The following DLGAP2 variants were observed in gnomAD, a reference collection of about 807,000 sequenced individuals.
DLGAP2 encodes the protein disks large-associated protein 2.
A neutral mutation model predicts 100.3 loss-of-function variants in DLGAP2; 26 were observed. The observed-to-expected ratio is 0.26, with a 90% CI of 0.19 to 0.36. The LOEUF is 0.36. Ranked by LOEUF, DLGAP2 falls within the 10% of genes least tolerant of loss-of-function variation. The pLI is 1.00. For synonymous variants in DLGAP2, 886 were observed against 630.1 expected (o/e 1.41, Z -6.08); for missense variants, 1,858 against 1,453.2 (o/e 1.28, Z -4.53).
intron 2 of DLGAP2, among the ~76,000 whole-genome samples, chr8:922,083 G>A (rs1798727199): frequency 1.3e-5 from 2 of 152,234 alleles, no homozygotes; most frequent in Admixed American, 1.3e-4. Flanking sequence ...CCACTTTCCT[G>A]GGAGAAACGG....
chr8:1,303,402 C>CAAAAAAAA (rs374350701), intron 3 of DLGAP2, among the ~76,000 whole-genome samples: 79 of 125,122 alleles, frequency 6.3e-4, no homozygotes, highest in Non-Finnish European at 9.6e-4. Context: ...GTCTCAAAAA[C>CAAAAAAAA]AAAAAAAAAA....
intron 8 of DLGAP2, among the ~76,000 whole-genome samples, chr8:1,659,596 A>G (rs1306354084): frequency 2.0e-5 from 3 of 152,134 alleles, no homozygotes; most frequent in African/African-American, 7.2e-5. Context: ...CCTTTAGGCA[A>G]TGCCCTTCTT....
chr8:1,333,835 G>A (rs955487219), intron 3 of DLGAP2, among the ~76,000 whole-genome samples: 1 of 152,260 alleles, frequency 6.6e-6, no homozygotes, highest in African/African-American at 2.4e-5. Flanking sequence ...AGCAGAGCAG[G>A]TGGAACAGAA....
At chr8:1,371,543 C>T (rs1474550531) in intron 3 of DLGAP2, among the ~76,000 whole-genome samples, 2 of 152,210 alleles carry the variant, frequency 1.3e-5, no homozygotes, top group Non-Finnish European at 2.9e-5. Context: ...TTGGAAATCT[C>T]TTCTGCAGAA....
intron 2 of DLGAP2, among the ~76,000 whole-genome samples, chr8:964,102 T>C (rs10097918): frequency 0.21 from 32,602 of 152,172 alleles, 3,723 homozygotes; most frequent in Middle Eastern, 0.3. Context: ...TCAAGTCTTA[T>C]GTAAAATAAA....
At chr8:1,493,092 G>GCACA (rs1453641356) in intron 3 of DLGAP2, among the ~76,000 whole-genome samples, 1 of 152,218 alleles carries the variant, frequency 6.6e-6, no homozygotes, top group African/African-American at 2.4e-5. Context: ...TCTGGGCAGG[G>GCACA]CACAAGGTGA....
intron 3 of DLGAP2, among the ~76,000 whole-genome samples, chr8:1,293,797 C>G (rs1337782271): frequency 1.3e-5 from 2 of 151,974 alleles, no homozygotes; most frequent in African/African-American, 4.8e-5. Context: ...ACTTATTAAA[C>G]ATTTTCTTTT....
At chr8:1,694,944 G>T (rs994905767) in intron 13 of DLGAP2, among the ~76,000 whole-genome samples, 39 of 152,096 alleles carry the variant, frequency 2.6e-4, no homozygotes, top group Non-Finnish European at 4.4e-5. Context: ...GAGAACAGAA[G>T]ACAAAACCAA....
At chr8:1,050,008 A>G (rs144790534) in intron 2 of DLGAP2, among the ~76,000 whole-genome samples, 93 of 152,370 alleles carry the variant, frequency 6.1e-4, no homozygotes, top group African/African-American at 2.2e-3. Flanking sequence ...AGGCACATGC[A>G]TATGTACACA....
At chr8:1,540,731 C>T (rs1039052762) in intron 4 of DLGAP2, among the ~76,000 whole-genome samples, 1 of 152,216 alleles carries the variant, frequency 6.6e-6, no homozygotes, top group African/African-American at 2.4e-5. Context: ...CGGCCGTGAC[C>T]AGCAGTGCTT....
intron 3 of DLGAP2, among the ~76,000 whole-genome samples, chr8:1,452,224 GGTGTTCTGTGGCTGC>G (rs1054140014): frequency 2.0e-4 from 29 of 147,842 alleles, no homozygotes; most frequent in African/African-American, 4.8e-4. Flanking sequence ...TCTGTGGCTG[GGTGTTCTGTGGCTGC>G]GTGTTCTGTG....
At chr8:896,818 T>G (rs779290423) in intron 1 of DLGAP2, among the ~76,000 whole-genome samples, 1 of 152,168 alleles carries the variant, frequency 6.6e-6, no homozygotes, top group Non-Finnish European at 1.5e-5. Context: ...CCCCAGTCTG[T>G]GGCTTTTGTT....
In DLGAP2 at chr8:1,101,802, CCGAACACGACACGACGA is replaced by C. The variant is rs1332451710; in HGVS notation, c.74-157048_74-157032del. Among the ~76,000 whole-genome samples, 15 of 24,864 alleles carry C rather than the reference CCGAACACGACACGACGA, an allele frequency of 6.0e-4. 1 individual carries two copies. Among genetic ancestry groups the C allele is most frequent in the Admixed American group, 3.5e-4 (1 of 2,822 alleles). The allele number at this position is 24,864 out of a possible 152,430, so 16.3% of individuals were successfully genotyped here. On this transcript the variant is annotated intron_variant, in intron 2 of 14. Coordinates refer to ENST00000637795, the MANE Select transcript of DLGAP2 (RefSeq NM_001346810.2). The stretch of plus-strand genomic sequence containing the variant: ...TGGGAAGGTCCTCGTCACCCCTGAG[CCGAACACGACACGACGA>C]TGGGAAGCTCCTCGTCACCCCTGAG...
At chr8:1,029,441 G>A (rs910402755) in intron 2 of DLGAP2, among the ~76,000 whole-genome samples, 3 of 152,232 alleles carry the variant, frequency 2.0e-5, no homozygotes, top group East Asian at 1.9e-4. Flanking sequence ...AATGGAAGAG[G>A]TTCTGGTGGG....
At chr8:912,267 T>C (rs1455830151) in intron 2 of DLGAP2, among the ~76,000 whole-genome samples, 3 of 152,210 alleles carry the variant, frequency 2.0e-5, no homozygotes, top group Admixed American at 6.5e-5. Context: ...ATGTTTCTAA[T>C]TGACAATGAA....
intron 3 of DLGAP2, among the ~76,000 whole-genome samples, chr8:1,303,402 C>CAAAAAAAAAAA (rs374350701): frequency 5.6e-5 from 7 of 125,334 alleles, no homozygotes; most frequent in South Asian, 3.0e-4. Context: ...GTCTCAAAAA[C>CAAAAAAAAAAA]AAAAAAAAAA....
chr8:1,660,854 G>A (rs1030296760), intron 8 of DLGAP2, among the ~76,000 whole-genome samples: 3 of 152,228 alleles, frequency 2.0e-5, no homozygotes, highest in African/African-American at 7.2e-5. Context: ...TTGTTTTTGA[G>A]AGAACCTGAA....
chr8:1,588,833 A>C (rs1026388756), intron 6 of DLGAP2, among the ~76,000 whole-genome samples: 1 of 151,812 alleles, frequency 6.6e-6, no homozygotes, highest in East Asian at 1.9e-4. Flanking sequence ...GGAGCAGGAG[A>C]ATCCCTTGAC....
chr8:1,357,344 C>G (rs1268137876), intron 3 of DLGAP2, among the ~76,000 whole-genome samples: 1 of 152,062 alleles, frequency 6.6e-6, no homozygotes. Context: ...CACACTGACA[C>G]CCCTGTTCAC....
Sources: allele counts gnomAD v4.1 joint callset (sites outside exome capture counted in the v4.1 genomes callset), GRCh38; gene constraint gnomAD v4.1.1; transcripts MANE v1.5; gene names NCBI Gene and HGNC (gene_info 2026-07-23, HGNC 2026-07-21).